ARID5B: variants seen among roughly 807,000 people sequenced by gnomAD.
ARID5B encodes the protein AT-rich interactive domain-containing protein 5B.
Under a neutral mutation model 97.2 loss-of-function variants are expected in ARID5B, and 13 were observed. The observed-to-expected ratio is 0.13, with a 90% CI of 0.09 to 0.21. ARID5B has a LOEUF of 0.21. Ranked by LOEUF, ARID5B falls within the 10% of genes least tolerant of loss-of-function variation. ARID5B has a pLI of 1.00. For missense variants in ARID5B, 1,210 were observed against 1,465.3 expected (o/e 0.83, Z 2.84); for synonymous variants, 556 against 570.3 (o/e 0.97, Z 0.36).
rs556421711 is a variant in ARID5B, at chr10:62,065,098, A to G, written c.1102-4602A>G. On this transcript the variant is annotated intron_variant, in intron 7 of 9. Coordinates refer to ENST00000279873, the MANE Select transcript of ARID5B (RefSeq NM_032199.3). ...CTCTAAAGACGGTTTGAAACCCACT[A>G]TATTTGTAAGCAATGAAAATTTTAT... Among the ~76,000 whole-genome samples the G allele has an allele frequency of 2.6e-5, 4 of 152,240 alleles. No individual in the cohort carries two copies. In the East Asian group the frequency reaches 5.8e-4, roughly 22 times the overall value.
chr10:61,983,832 TAA>T (rs1447031267), intron 3 of ARID5B, among the ~76,000 whole-genome samples: 1 of 150,816 alleles, frequency 6.6e-6, no homozygotes, highest in Non-Finnish European at 1.5e-5. Flanking sequence ...AACCCAGTCA[TAA>T]TCCAAATTAT....
At chr10:62,059,129 A>T in intron 6 of ARID5B, 114 bp from the exon 7 acceptor site, 1 of 771,040 alleles carries the variant, frequency 1.3e-6, no homozygotes, top group Non-Finnish European at 2.1e-6. Context: ...TCTCTGGGGT[A>T]CTTTAGTATT....
chr10:61,961,416 T>C (rs1290217921), intron 3 of ARID5B, among the ~76,000 whole-genome samples: 2 of 152,206 alleles, frequency 1.3e-5, no homozygotes, highest in African/African-American at 4.8e-5. Context: ...ACCTAGGTTA[T>C]CGATAGCTTT....
chr10:61,971,165 C>T (rs1045700119), intron 3 of ARID5B, among the ~76,000 whole-genome samples: 10 of 152,186 alleles, frequency 6.6e-5, no homozygotes. Context: ...AAGCTCTGAA[C>T]CTCATTTGTA....
intron 4 of ARID5B, chr10:62,049,535 T>G: frequency 6.5e-7 from 1 of 1,549,996 alleles, no homozygotes; most frequent in Non-Finnish European, 8.7e-7. Flanking sequence ...TTGTTTACCT[T>G]TGGTAATTCC....
At chr10:62,030,021 C>T (rs1021313929) in intron 4 of ARID5B, among the ~76,000 whole-genome samples, 8 of 152,208 alleles carry the variant, frequency 5.3e-5, no homozygotes, top group Non-Finnish European at 8.8e-5. Context: ...TTATTGGGTT[C>T]TAAAGCTAGA....
intron 4 of ARID5B, among the ~76,000 whole-genome samples, chr10:62,016,776 G>A (rs1321802797): frequency 6.6e-6 from 1 of 152,196 alleles, no homozygotes; most frequent in Non-Finnish European, 1.5e-5. Flanking sequence ...TTCAACTCCT[G>A]TTAGTATAAA....
intron 4 of ARID5B, among the ~76,000 whole-genome samples, chr10:62,014,744 A>AT (rs1839261466): frequency 6.6e-6 from 1 of 152,154 alleles, no homozygotes; most frequent in African/African-American, 2.4e-5. Context: ...CCCTTTGAGA[A>AT]TCAGATGAAA....
At chr10:61,955,332 C>T (rs1295297272) in intron 3 of ARID5B, among the ~76,000 whole-genome samples, 3 of 152,134 alleles carry the variant, frequency 2.0e-5, no homozygotes, top group African/African-American at 7.2e-5. Context: ...TTTATTAATA[C>T]ATACATTAAT....
In ARID5B at chr10:61,940,944, TATATATATATATATATATATA is replaced by T. The variant is rs1394567964; in HGVS notation, c.502+537_502+557del. 1.3e-3 allele frequency among the ~76,000 whole-genome samples: 13 copies of T among 10,328 alleles called. 1 individual carries two copies. The highest frequency in any genetic ancestry group is 2.5e-3 in the Non-Finnish European group (6 of 2,368). 6.8% of individuals were successfully genotyped at this position (10,328 alleles called of 152,430 possible). On this transcript the variant is annotated intron_variant, in intron 3 of 9. Transcript: ENST00000279873. ...TCAACTATATATATATATATATATATATATATATATATATATATATATTTTTTTTTTTTTTTTTTTTTTTTT... is the reference window on the plus strand; with the variant it reads ...TCAACTATATATATATATATATATATTTTTTTTTTTTTTTTTTTTTTTTTT...
At chr10:61,991,191 T>C (rs961364689) in intron 3 of ARID5B, among the ~76,000 whole-genome samples, 1 of 152,198 alleles carries the variant, frequency 6.6e-6, no homozygotes, top group Non-Finnish European at 1.5e-5. Context: ...TGAGTCCTTG[T>C]TTTTAATTCT....
chr10:62,017,296 T>C (rs941014153), intron 4 of ARID5B, among the ~76,000 whole-genome samples: 5 of 151,992 alleles, frequency 3.3e-5, no homozygotes, highest in Non-Finnish European at 7.4e-5. Flanking sequence ...CTACTAAAAA[T>C]GCAAAAATTA....
chr10:61,966,172 G>T (rs751116795), intron 3 of ARID5B, among the ~76,000 whole-genome samples: 1 of 152,096 alleles, frequency 6.6e-6, no homozygotes, highest in Non-Finnish European at 1.5e-5. Flanking sequence ...GTCACTGGTT[G>T]TATACAATGC....
chr10:62,014,470 C>T (rs1839258457), intron 4 of ARID5B, among the ~76,000 whole-genome samples: 1 of 152,116 alleles, frequency 6.6e-6, no homozygotes, highest in Admixed American at 6.5e-5. Flanking sequence ...TGGGTAGTTG[C>T]AGATGGGTAA....
chr10:62,086,019 A>C, intron 9 of ARID5B, 119 bp downstream of exon 9: 1 of 1,041,662 alleles, frequency 9.6e-7, no homozygotes, highest in East Asian at 2.4e-5. Context: ...TGAAGAAACC[A>C]AGAAATCTAA....
At chr10:61,962,007 C>T (rs1838478189) in intron 3 of ARID5B, among the ~76,000 whole-genome samples, 1 of 152,214 alleles carries the variant, frequency 6.6e-6, no homozygotes, top group African/African-American at 2.4e-5. Context: ...CCTAGGCCTC[C>T]CAAAGTGCTG....
chr10:62,050,599 G>A (rs1485635542), intron 4 of ARID5B, among the ~76,000 whole-genome samples: 1 of 152,164 alleles, frequency 6.6e-6, no homozygotes, highest in Admixed American at 6.5e-5. Context: ...AACGTGGAAG[G>A]ACATTTTTCT....
At chr10:61,944,713 A>G (rs982458073) in intron 3 of ARID5B, among the ~76,000 whole-genome samples, 1 of 152,226 alleles carries the variant, frequency 6.6e-6, no homozygotes, top group Non-Finnish European at 1.5e-5. Flanking sequence ...CCTTTGAGGC[A>G]TACAACAGAA....
At chr10:62,001,532 C>T (rs1305393760) in intron 4 of ARID5B, among the ~76,000 whole-genome samples, 1 of 152,154 alleles carries the variant, frequency 6.6e-6, no homozygotes, top group Non-Finnish European at 1.5e-5. Flanking sequence ...TTTCAGGAGT[C>T]CACTATGGCC....
Sources: allele counts gnomAD v4.1 joint callset (sites outside exome capture counted in the v4.1 genomes callset), GRCh38; gene constraint gnomAD v4.1.1; transcripts MANE v1.5; gene names NCBI Gene and HGNC (gene_info 2026-07-23, HGNC 2026-07-21).